COL16A1: variants seen among roughly 807,000 people sequenced by gnomAD.
COL16A1 encodes collagen alpha-1(XVI) chain.
A neutral mutation model predicts 266.3 loss-of-function variants in COL16A1; 189 were observed. The observed-to-expected ratio is 0.71, with a 90% confidence interval of 0.63 to 0.80. COL16A1 has a LOEUF of 0.80. Ranked by LOEUF, COL16A1 falls within the 30% of genes least tolerant of loss-of-function variation. The pLI is 0.00. For synonymous variants in COL16A1, 740 were observed against 782.3 expected, an observed-to-expected ratio of 0.95 and a Z score of 0.90; for missense variants, 1,928 against 2,122.4, an observed-to-expected ratio of 0.91 and a Z score of 1.80.
intron 26 of COL16A1, 166 bp from the exon 27 acceptor site, chr1:31,686,445 C>A: frequency 1.1e-6 from 1 of 928,330 alleles, no homozygotes; most frequent in Non-Finnish European, 1.7e-6. Flanking sequence ...AGTCTGTAAC[C>A]AGCCAGGGGC....
intron 4 of COL16A1, among the ~76,000 whole-genome samples, 177 bp downstream of exon 4, chr1:31,699,636 G>A (rs554761881): frequency 6.6e-6 from 1 of 152,328 alleles, no homozygotes; most frequent in African/African-American, 2.4e-5. Flanking sequence ...GGTCTGCCAG[G>A]TACCACCTCT....
At chr1:31,673,113 C>T (rs541248633) in intron 44 of COL16A1, 137 of 510,092 alleles carry the variant, frequency 2.7e-4, no homozygotes, top group Non-Finnish European at 4.1e-4. Context: ...TGGGTGGAGG[C>T]GAGGGGCCCG....
At chr1:31,690,442 G>A (rs1032238400) in intron 21 of COL16A1, 49 bp from the exon 22 acceptor site, 1 of 1,614,076 alleles carries the variant, frequency 6.2e-7, no homozygotes, top group African/African-American at 1.3e-5. Flanking sequence ...GAGGGCTGGT[G>A]TGCCAACTGA....
chr1:31,698,063 C>A lies in COL16A1; in HGVS notation c.500G>T (p.Arg167Leu), dbSNP rs200464413. The A allele has an allele frequency of 6.2e-7, 1 of 1,613,968 alleles. No homozygotes were observed. The highest frequency in any genetic ancestry group is 1.7e-5 in the Admixed American group (1 of 60,026). ...IFPVPQLFDLRWHKLMLSVAG... is the reference protein window; with the variant it reads ...IFPVPQLFDLLWHKLMLSVAG... ...CACACTCAGCATCAGCTTGTGCCAA[C>A]GCAAGTCGAAGAGCTGGGGCACTGG... Residue 167 changes from arginine (R) to leucine (L), a missense_variant, in exon 6 of 71, where the codon CGT (arginine) becomes CTT (leucine). Physicochemically the swap from Arg to Leu is moderately radical, Grantham distance 102 (BLOSUM62 -2). Coordinates refer to ENST00000373672, the MANE Select transcript of COL16A1 (RefSeq NM_001856.4). This position sits in a 1 kb window ranked among gnomAD's most constrained non-coding sequence, Gnocchi z 4.1.
rs761901273 is a variant in COL16A1, at chr1:31,696,073, C to A, written c.918+15G>T. ...CTGAGGGCAGGTAGGCTCCTCCCCC[C>A]ACCCCCACCTCTACCTTTGCTCCCC... On this transcript the variant is annotated intron_variant, in intron 9 of 70. Transcript: ENST00000373672. 7.5e-6 allele frequency: 12 copies of A among 1,602,588 alleles called. No homozygotes were observed. In the South Asian group the frequency reaches 1.2e-4, roughly 16 times the overall value.
Position 31,694,155 on chromosome 1 carries a change from AG to A in COL16A1, c.996del (p.Ser333LeufsTer128). ...CCATTAGGACTCACCTTGGGGCCAG[AG>A]GGAGCAAGTGTGACCTGAGGGGACA... Reference protein sequence around the residue: ...GARDSNVTLAPSGPKGGKGER... With the variant: ...GARDSNVTLAXSGPKGGKGER... On this transcript the variant is annotated frameshift_variant, in exon 12 of 71. Coordinates refer to ENST00000373672, the MANE Select transcript of COL16A1 (RefSeq NM_001856.4). LOFTEE classifies it high-confidence loss of function. 1 of 1,599,590 alleles carries A rather than the reference AG, an allele frequency of 6.3e-7. No homozygotes were observed. Among genetic ancestry groups the A allele is most frequent in the African/African-American group, 1.3e-5 (1 of 74,782 alleles).
chr1:31,696,302 G>T (rs1644496230), intron 8 of COL16A1, among the ~76,000 whole-genome samples, 161 bp from the exon 9 acceptor site: 1 of 152,068 alleles, frequency 6.6e-6, no homozygotes, highest in African/African-American at 2.4e-5. Context: ...CCCTGTGGCT[G>T]CCCCAACAGG....
chr1:31,653,845 G>A, intron 69 of COL16A1, 22 bp downstream of exon 69: 1 of 1,597,940 alleles, frequency 6.3e-7, no homozygotes, highest in East Asian at 2.2e-5. Flanking sequence ...TGTGTCCCTT[G>A]GGAACTGTAG....
In COL16A1 at chr1:31,656,825, A is replaced by T; in HGVS notation, c.4056+208T>A. 5 of 206,672 alleles carry T rather than the reference A, an allele frequency of 2.4e-5. No individual in the cohort carries two copies. The highest frequency in any genetic ancestry group is 7.1e-5 in the African/African-American group (3 of 42,258). 12.8% of individuals were successfully genotyped at this position (206,672 alleles called of 1,614,324 possible). ...TCTTTTTGACCAGGTACAGGGTTTA[A>T]AAAAAAAAAAAAAAAGGTAAAACAA... On this transcript the variant is annotated intron_variant, in intron 65 of 70. Coordinates refer to ENST00000373672, the MANE Select transcript of COL16A1 (RefSeq NM_001856.4). This position sits in a 1 kb window ranked among gnomAD's most constrained non-coding sequence, Gnocchi z 4.2.
chr1:31,685,516 G>T lies in COL16A1; in HGVS notation c.2016+123C>A. On this transcript the variant is annotated intron_variant, in intron 29 of 70. Coordinates refer to ENST00000373672, the MANE Select transcript of COL16A1 (RefSeq NM_001856.4). This position sits in a 1 kb window ranked among gnomAD's most constrained non-coding sequence, Gnocchi z 4.0. ...TGCTGGAGACAGAGGCTCTGACCCCGCCACACCCTCCCCACTACCCCCAAC... is the reference window on the plus strand; with the variant it reads ...TGCTGGAGACAGAGGCTCTGACCCCTCCACACCCTCCCCACTACCCCCAAC... 1.6e-6 allele frequency: 1 copy of T among 630,284 alleles called. No homozygotes were observed. The highest frequency in any genetic ancestry group is 2.7e-6 in the Non-Finnish European group (1 of 373,774). 39.0% of individuals were successfully genotyped at this position (630,284 alleles called of 1,614,324 possible).
In COL16A1 at chr1:31,672,428, C is replaced by G; in HGVS notation, c.3093G>C (p.Gln1031His). Residue 1031 changes from glutamine to histidine, a missense_variant, in exon 47 of 71, where the codon CAG becomes CAC. Gln to His is a conservative substitution (Grantham distance 24). This residue lies in a region of COL16A1 where 1,552 missense variants were observed against 1,637.2 expected (regional missense o/e 0.95). Coordinates refer to ENST00000373672, the MANE Select transcript of COL16A1 (RefSeq NM_001856.4). ...GLPGPPGLPG[Q>H]RGEEGPPGMR... ...TCCCTGGTCTTACCTCTTCTCCTCT[C>G]TGGCCTGGCAATCCCGGAGGACCAG... 1 of 1,614,196 alleles carries G rather than the reference C, an allele frequency of 6.2e-7. No homozygotes were observed. Among genetic ancestry groups the G allele is most frequent in the Non-Finnish European group, 8.5e-7 (1 of 1,180,024 alleles).
chr1:31,668,682 A>C lies in COL16A1; in HGVS notation c.3249+120T>G, dbSNP rs921624053. ...AGGGAATCCCGGCAGAAGGGCAGAG[A>C]GTCTCAAGGAGTCCACCTCCCAGCT... On this transcript the variant is annotated intron_variant, in intron 50 of 70. Coordinates refer to ENST00000373672, the MANE Select transcript of COL16A1 (RefSeq NM_001856.4). The surrounding 1 kb of genome is among the most constrained non-coding windows in gnomAD (Gnocchi z 5.8). The C allele has an allele frequency of 9.6e-7, 1 of 1,045,838 alleles. No individual in the cohort carries two copies. Among genetic ancestry groups the C allele is most frequent in the African/African-American group, 1.6e-5 (1 of 63,560 alleles). 64.8% of individuals were successfully genotyped at this position (1,045,838 alleles called of 1,614,324 possible). A position where few individuals can be genotyped will look rare whatever the true frequency, so the allele number is the denominator to read the frequency against.
intron 26 of COL16A1, among the ~76,000 whole-genome samples, chr1:31,686,975 T>C (rs1644008566): frequency 1.3e-5 from 2 of 152,022 alleles, no homozygotes; most frequent in African/African-American, 4.8e-5. Context: ...TTGGGAAGGA[T>C]GGGGGCTGGG....
Position 31,695,228 on chromosome 1 carries a change from G to A in COL16A1, c.946-7C>T, listed in dbSNP as rs373303683. On this transcript the variant is annotated splice_region_variant and splice_polypyrimidine_tract_variant and intron_variant, in intron 10 of 70. Transcript: ENST00000373672. ...CATGGACACAGGGCGGACACTGAAA[G>A]GGAAGAGCAGGCGAAGAGGTCAATT... The A allele has an allele frequency of 9.9e-6, 16 of 1,613,690 alleles. No homozygotes were observed. In the Middle Eastern group the frequency reaches 9.9e-4, roughly 99 times the overall value.
At position 31,691,454 on chromosome 1, in the gene COL16A1, AGGCCGGGGG is replaced by A. The variant is rs1354036708; in HGVS notation, c.1352_1360del (p.Pro451_Gly453del). The A allele has an allele frequency of 6.8e-6, 11 of 1,612,892 alleles. No individual in the cohort carries two copies. Among genetic ancestry groups the A allele is most frequent in the Non-Finnish European group, 8.5e-6 (10 of 1,179,396 alleles). Reference sequence around the variant, plus strand: ...CAGTCCTATCCCAGGGGGTCCAGGGAGGCCGGGGGGCCCAGGCTCTCCTGCCAGCCCCTC... The same window carrying A: ...CAGTCCTATCCCAGGGGGTCCAGGGAGCCCAGGCTCTCCTGCCAGCCCCTC... On this transcript the variant is annotated inframe_deletion, in exon 19 of 71. Coordinates refer to ENST00000373672, the MANE Select transcript of COL16A1 (RefSeq NM_001856.4).
chr1:31,675,796 GA>G (rs1453187054), intron 42 of COL16A1, among the ~76,000 whole-genome samples: 1 of 152,058 alleles, frequency 6.6e-6, no homozygotes, highest in Admixed American at 6.5e-5. Context: ...GAGTAGCTGG[GA>G]CTAGAGGCGC....
At chr1:31,687,431 A>G (rs1340777085) in intron 26 of COL16A1, among the ~76,000 whole-genome samples, 1 of 150,590 alleles carries the variant, frequency 6.6e-6, no homozygotes, top group East Asian at 1.9e-4. Context: ...ACACACACAC[A>G]CACACGAAAA....
At chr1:31,655,709 A>T (rs1641077386) in intron 66 of COL16A1, 1 of 828,248 alleles carries the variant, frequency 1.2e-6, no homozygotes, top group African/African-American at 1.7e-5. Flanking sequence ...AGAAATTCTG[A>T]TGGCTCCCAA....
rs1644546586 is a variant in COL16A1 at position 31,697,410 on chromosome 1, T to C, written c.658-110A>G. On this transcript the variant is annotated intron_variant, in intron 6 of 70. Coordinates refer to ENST00000373672, the MANE Select transcript of COL16A1 (RefSeq NM_001856.4). This position sits in a 1 kb window ranked among gnomAD's most constrained non-coding sequence, Gnocchi z 4.2. ...TGCCCCAGGATGTGACCTCAGGGTG[T>C]TTCCAGTCTGGCCTGGGAGACATCA... 2 of 1,122,066 alleles carry C rather than the reference T, an allele frequency of 1.8e-6. No individual in the cohort carries two copies. Among genetic ancestry groups the C allele is most frequent in the Admixed American group, 2.3e-5 (1 of 42,848 alleles). The allele number at this position is 1,122,066 out of a possible 1,614,324, so 69.5% of individuals were successfully genotyped here.
Sources: allele counts gnomAD v4.1 joint callset (sites outside exome capture counted in the v4.1 genomes callset), GRCh38; gene constraint gnomAD v4.1.1; regional missense constraint gnomAD v4.1.1; non-coding constraint Gnocchi (gnomAD v3.1); transcripts MANE v1.5; gene names NCBI Gene and HGNC (gene_info 2026-07-23, HGNC 2026-07-21).